SH3BGR: variants seen among roughly 807,000 people sequenced by gnomAD.
SH3BGR encodes SH3 domain-binding glutamic acid-rich protein.
In SH3BGR, 29 loss-of-function variants were observed where a neutral mutation model predicts 24.5. The observed-to-expected ratio is 1.18, with a 90% CI of 0.88 to 1.61. The LOEUF is 1.61. Ranked by LOEUF, SH3BGR falls within the 40% of genes most tolerant of loss-of-function variation. The pLI, the probability that SH3BGR is intolerant of heterozygous loss-of-function variation, is 0.00. For synonymous variants in SH3BGR, 55 were observed against 65.7 expected (o/e 0.84, Z 0.79); for missense variants, 162 against 205.8 (o/e 0.79, Z 1.30).
chr21:39,482,081 A>T (rs1386980017), intron 3 of SH3BGR, among the ~76,000 whole-genome samples: 1 of 152,264 alleles, frequency 6.6e-6, no homozygotes, highest in African/African-American at 2.4e-5. Flanking sequence ...CCTGTTGCAA[A>T]CGTGAAGTCC....
At chr21:39,508,929 AT>A in intron 4 of SH3BGR, 68 bp from the exon 5 acceptor site, 1 of 1,241,972 alleles carries the variant, frequency 8.1e-7, no homozygotes, top group Non-Finnish European at 1.2e-6. Context: ...AGTTTGCTTG[AT>A]TTTCAGATTT....
At chr21:39,448,589 C>T (rs1050826394), upstream of SH3BGR, among the ~76,000 whole-genome samples, 4 of 152,104 alleles carry the variant, frequency 2.6e-5, no homozygotes, top group Admixed American at 2.6e-4. Context: ...ACTCGGGAGG[C>T]TGAGGCAGGA....
chr21:39,495,628 C>T (rs1378631023), intron 3 of SH3BGR, among the ~76,000 whole-genome samples: 1 of 152,054 alleles, frequency 6.6e-6, no homozygotes, highest in Non-Finnish European at 1.5e-5. Context: ...TATGGGCATA[C>T]ATCACCATGC....
chr21:39,478,804 A>G (rs903323804), intron 3 of SH3BGR, among the ~76,000 whole-genome samples: 2 of 151,820 alleles, frequency 1.3e-5, no homozygotes, highest in Non-Finnish European at 2.9e-5. Flanking sequence ...CATTTCTCCT[A>G]TCAATCATAT....
chr21:39,452,187 A>C, intron 1 of SH3BGR, 46 bp downstream of exon 1: 1 of 1,611,556 alleles, frequency 6.2e-7, no homozygotes, highest in Non-Finnish European at 8.5e-7. Flanking sequence ...TTTCTGAATA[A>C]CTTAGGGTTG....
At chr21:39,463,229 A>G (rs1254089545) in intron 2 of SH3BGR, among the ~76,000 whole-genome samples, 1 of 152,218 alleles carries the variant, frequency 6.6e-6, no homozygotes, top group Non-Finnish European at 1.5e-5. Flanking sequence ...AAGTCTTACT[A>G]TAGATACAAG....
intron 1 of SH3BGR, among the ~76,000 whole-genome samples, chr21:39,457,726 T>C (rs1444334081): frequency 1.3e-5 from 2 of 151,516 alleles, no homozygotes; most frequent in African/African-American, 4.9e-5. Flanking sequence ...GAGCCCAGGA[T>C]TTTGAGACCA....
chr21:39,451,869 C>G (rs201491118), upstream of SH3BGR: 1 of 1,601,382 alleles, frequency 6.2e-7, no homozygotes, highest in East Asian at 2.3e-5. Flanking sequence ...CCTGACAGAT[C>G]CCAAAATATT....
intron 1 of SH3BGR, among the ~76,000 whole-genome samples, chr21:39,457,245 TTATTA>T (rs1004618928): frequency 7.9e-3 from 24 of 3,054 alleles, no homozygotes; most frequent in African/African-American, 0.014. Context: ...TATAAAAATC[TTATTA>T]TATTATATTG....
At chr21:39,451,962 C>A (rs758045400), upstream of SH3BGR, 7 of 1,614,008 alleles carry the variant, frequency 4.3e-6, no homozygotes, top group East Asian at 1.1e-4. Flanking sequence ...GCGGGACTGC[C>A]GGAGCCCAGT....
At chr21:39,510,430 AC>A in intron 5 of SH3BGR, among the ~76,000 whole-genome samples, 1 of 12,248 alleles carries the variant, frequency 8.2e-5, no homozygotes. Flanking sequence ...CACTGTAGCT[AC>A]ACACACACAC....
At chr21:39,502,877 G>A (rs1214405086) in intron 4 of SH3BGR, among the ~76,000 whole-genome samples, 1 of 152,168 alleles carries the variant, frequency 6.6e-6, no homozygotes, top group Non-Finnish European at 1.5e-5. Flanking sequence ...ATGCCCCAGC[G>A]GTCCCTGGCT....
At chr21:39,494,802 G>A (rs941946884) in intron 3 of SH3BGR, among the ~76,000 whole-genome samples, 2 of 151,502 alleles carry the variant, frequency 1.3e-5, no homozygotes, top group Non-Finnish European at 2.9e-5. Context: ...TGCTCCATTT[G>A]TTTTCATTTC....
At chr21:39,458,927 C>G (rs2077709588) in intron 1 of SH3BGR, among the ~76,000 whole-genome samples, 1 of 152,006 alleles carries the variant, frequency 6.6e-6, no homozygotes, top group Admixed American at 6.6e-5. Flanking sequence ...GATTACAGGC[C>G]TGAGCCACCG....
intron 2 of SH3BGR, among the ~76,000 whole-genome samples, chr21:39,469,478 TAC>T (rs753136954): frequency 5.9e-5 from 9 of 151,842 alleles, no homozygotes; most frequent in Non-Finnish European, 1.3e-4. Context: ...TTTCCTTCTA[TAC>T]ACTTTTTTTT....
At chr21:39,461,576 A>C (rs1314723820) in intron 1 of SH3BGR, among the ~76,000 whole-genome samples, 1 of 152,192 alleles carries the variant, frequency 6.6e-6, no homozygotes, top group African/African-American at 2.4e-5. Context: ...CAGAAAAAGG[A>C]TGTGAGGTAC....
intron 3 of SH3BGR, 134 bp downstream of exon 3, chr21:39,475,349 G>A: frequency 1.8e-6 from 1 of 566,568 alleles, no homozygotes; most frequent in Non-Finnish European, 3.1e-6. Flanking sequence ...TTATTCTGAT[G>A]CAGTCCTATG....
chr21:39,500,012 G>A, intron 4 of SH3BGR, 97 bp downstream of exon 4: 1 of 857,778 alleles, frequency 1.2e-6, no homozygotes, highest in Non-Finnish European at 2.0e-6. Flanking sequence ...CAAGCAGTCA[G>A]AAAGAGGGCA....
intron 6 of SH3BGR, among the ~76,000 whole-genome samples, chr21:39,512,614 C>T (rs950950453): frequency 6.6e-6 from 1 of 152,062 alleles, no homozygotes; most frequent in East Asian, 1.9e-4. Context: ...GGACAGCATG[C>T]GTGAAAACCC....
Sources: allele counts gnomAD v4.1 joint callset (sites outside exome capture counted in the v4.1 genomes callset), GRCh38; gene constraint gnomAD v4.1.1; transcripts MANE v1.5; gene names NCBI Gene and HGNC (gene_info 2026-07-23, HGNC 2026-07-21).